Variants in ADARB2 observed in about 807,000 individuals in gnomAD.
ADARB2 encodes the protein adenosine deaminase RNA specific B2 (inactive).
A neutral mutation model predicts 62.2 loss-of-function variants in ADARB2; 25 were observed. The observed-to-expected ratio is 0.40, with a 90% CI of 0.29 to 0.56. The LOEUF is 0.56. Ranked by LOEUF, ADARB2 falls within the 20% of genes least tolerant of loss-of-function variation. ADARB2 has a pLI of 0.43. For missense variants in ADARB2, 1,071 were observed against 1,077.4 expected (o/e 0.99, Z 0.08); for synonymous variants, 572 against 500.8 (o/e 1.14, Z -1.90).
chr10:1,343,771 A>C (rs1832053571), intron 3 of ADARB2, among the ~76,000 whole-genome samples: 1 of 152,234 alleles, frequency 6.6e-6, no homozygotes, highest in Non-Finnish European at 1.5e-5. Context: ...CTAATGCAGG[A>C]AAAGAAAGCC....
intron 2 of ADARB2, among the ~76,000 whole-genome samples, chr10:1,365,091 C>T (rs184114948): frequency 4.6e-5 from 7 of 152,140 alleles, no homozygotes; most frequent in South Asian, 2.1e-4. Flanking sequence ...AGGCTGGTCT[C>T]GAACTCCTGA....
rs920253622 is a variant in ADARB2 at position 1,200,011 on chromosome 10, C to T, written c.1819G>A (p.Gly607Ser). The T allele has an allele frequency of 4.4e-6, 7 of 1,580,852 alleles. No homozygotes were observed. The highest frequency in any genetic ancestry group is 2.3e-5 in the East Asian group (1 of 44,224). ...TGCCGGTAGGAGGCGGGCAGCTGGC[C>T]GACACCCTCCATGCGGTGGCTCATG... is the stretch of plus-strand genomic sequence containing the variant. ...RVMSHRMEGV[G>S]QLPASYRHNR... Residue 607 changes from glycine (G) to serine (S), a missense_variant, in exon 8 of 10, where the codon GGC becomes AGC. By Grantham distance (56) the Gly-to-Ser change is moderately conservative (BLOSUM62 0). Transcript: ENST00000381312.
At chr10:1,278,359 G>A (rs1425903607) in intron 3 of ADARB2, among the ~76,000 whole-genome samples, 1 of 151,328 alleles carries the variant, frequency 6.6e-6, no homozygotes, top group Non-Finnish European at 1.5e-5. Flanking sequence ...GAGTGATGCT[G>A]AAGTTTGGTG....
intron 4 of ADARB2, among the ~76,000 whole-genome samples, chr10:1,269,711 G>A (rs573852839): frequency 4.8e-4 from 73 of 152,170 alleles, no homozygotes; most frequent in Middle Eastern, 3.2e-3. Flanking sequence ...TACCCTGAGT[G>A]GGGGCTGTGT....
At chr10:1,223,423 G>C (rs1221517567) in intron 6 of ADARB2, among the ~76,000 whole-genome samples, 1 of 152,102 alleles carries the variant, frequency 6.6e-6, no homozygotes, top group African/African-American at 2.4e-5. Context: ...TCTCCTGCCT[G>C]ATTGCCCTGG....
At chr10:1,696,022 G>A (rs922350485) in intron 1 of ADARB2, among the ~76,000 whole-genome samples, 14 of 151,944 alleles carry the variant, frequency 9.2e-5, no homozygotes, top group East Asian at 1.9e-4. Context: ...GTATGCCTGC[G>A]TGTGTATGTG....
intron 3 of ADARB2, among the ~76,000 whole-genome samples, chr10:1,341,007 CTG>C (rs1832020552): frequency 1.2e-5 from 1 of 85,124 alleles, no homozygotes; most frequent in African/African-American, 4.7e-5. Context: ...CCAGAGAACC[CTG>C]TGCCCCACAT....
Position 1,411,416 on chromosome 10 carries a change from G to C in ADARB2, c.101-32256C>G, listed in dbSNP as rs180907169. On this transcript the variant is annotated intron_variant, in intron 1 of 9. Coordinates refer to ENST00000381312, the MANE Select transcript of ADARB2 (RefSeq NM_018702.4). ...ACCACGTCCTCTCCAGGCCACCAGT[G>C]GGAGGTTCAGGAGAAACCAGGGCTT... is the stretch of plus-strand genomic sequence containing the variant. 8.3e-3 allele frequency among the ~76,000 whole-genome samples: 1,265 copies of C among 152,378 alleles called. 11 individuals carry two copies. Among genetic ancestry groups the C allele is most frequent in the Non-Finnish European group, 0.014 (978 of 68,044 alleles).
At chr10:1,568,023 A>G (rs1832879640) in intron 1 of ADARB2, among the ~76,000 whole-genome samples, 1 of 152,230 alleles carries the variant, frequency 6.6e-6, no homozygotes. Flanking sequence ...AGCAGCTGCC[A>G]TTCTCTCTAA....
At chr10:1,529,098 C>G (rs1832186387) in intron 1 of ADARB2, among the ~76,000 whole-genome samples, 1 of 151,160 alleles carries the variant, frequency 6.6e-6, no homozygotes, top group Non-Finnish European at 1.5e-5. Flanking sequence ...CACCAATCCT[C>G]CAATCAGTCC....
At chr10:1,334,235 T>G (rs927776681) in intron 3 of ADARB2, among the ~76,000 whole-genome samples, 2 of 152,168 alleles carry the variant, frequency 1.3e-5, no homozygotes, top group Admixed American at 6.5e-5. Flanking sequence ...GTGGAATAAT[T>G]AATTTGTTAA....
intron 1 of ADARB2, among the ~76,000 whole-genome samples, chr10:1,663,963 T>C (rs1243030689): frequency 6.6e-6 from 1 of 152,204 alleles, no homozygotes; most frequent in African/African-American, 2.4e-5. Flanking sequence ...GGTCTGAACG[T>C]GCTACTGTTT....
At chr10:1,396,812 CG>C (rs1832619588) in intron 1 of ADARB2, among the ~76,000 whole-genome samples, 1 of 72,006 alleles carries the variant, frequency 1.4e-5, no homozygotes, top group East Asian at 7.6e-4. Flanking sequence ...CCTGGGTCAC[CG>C]TCCTCCTCTC....
At chr10:1,535,047 T>C (rs1173140828) in intron 1 of ADARB2, 2 of 166,904 alleles carry the variant, frequency 1.2e-5, no homozygotes, top group Non-Finnish European at 2.9e-5. Flanking sequence ...CACAGGTGAA[T>C]GAGCTAGGAC....
intron 1 of ADARB2, among the ~76,000 whole-genome samples, chr10:1,510,431 C>T (rs569926307): frequency 1.3e-5 from 2 of 152,174 alleles, no homozygotes; most frequent in Non-Finnish European, 2.9e-5. Flanking sequence ...ATCCTCCCTC[C>T]TCAGCATCCC....
chr10:1,502,580 A>G (rs73582356), intron 1 of ADARB2, among the ~76,000 whole-genome samples: 3,220 of 152,334 alleles, frequency 0.021, 113 homozygotes, highest in African/African-American at 0.071. Flanking sequence ...TTAAGCTGCA[A>G]TAAAGGAACT....
At chr10:1,566,532 G>A (rs1832863790) in intron 1 of ADARB2, among the ~76,000 whole-genome samples, 4 of 152,202 alleles carry the variant, frequency 2.6e-5, no homozygotes, top group Admixed American at 2.6e-4. Flanking sequence ...AGTGGTTACT[G>A]TGGGGAAAAA....
At chr10:1,285,892 A>G (rs1453180821) in intron 3 of ADARB2, among the ~76,000 whole-genome samples, 1 of 152,220 alleles carries the variant, frequency 6.6e-6, no homozygotes, top group East Asian at 1.9e-4. Context: ...AAATCCATAG[A>G]TTATAAAGGA....
intron 3 of ADARB2, among the ~76,000 whole-genome samples, chr10:1,326,224 T>C (rs1307001156): frequency 6.6e-6 from 1 of 152,198 alleles, no homozygotes; most frequent in Non-Finnish European, 1.5e-5. Context: ...CTAGGAACTT[T>C]GCAGCACACA....
Sources: allele counts gnomAD v4.1 joint callset (sites outside exome capture counted in the v4.1 genomes callset), GRCh38; gene constraint gnomAD v4.1.1; transcripts MANE v1.5; gene names NCBI Gene and HGNC (gene_info 2026-07-23, HGNC 2026-07-21).